KIF21A: variants seen among roughly 807,000 people sequenced by gnomAD.
KIF21A encodes kinesin family member 21A, also known as kinesin-like protein KIF21A.
Under a neutral mutation model 202.9 loss-of-function variants are expected in KIF21A, and 114 were observed. That is an observed-to-expected ratio of 0.56 (90% CI 0.48 to 0.66). The LOEUF is 0.66. Among genes scored for constraint, KIF21A ranks in the 30% least tolerant of loss-of-function variants. The pLI, the probability that KIF21A is intolerant of heterozygous loss-of-function variation, is 0.00. For missense variants in KIF21A, 1,677 were observed against 1,994.9 expected, an observed-to-expected ratio of 0.84 and a Z score of 3.04; for synonymous variants, 667 against 670.8, an observed-to-expected ratio of 0.99 and a Z score of 0.09.
At chr12:39,308,479 G>A (rs1943693963) in intron 33 of KIF21A, among the ~76,000 whole-genome samples, 2 of 151,994 alleles carry the variant, frequency 1.3e-5, no homozygotes. Context: ...CCACCCAAGG[G>A]CCAGGCTTAC....
At chr12:39,404,272 T>C (rs1952409823) in intron 1 of KIF21A, among the ~76,000 whole-genome samples, 1 of 152,128 alleles carries the variant, frequency 6.6e-6, no homozygotes, top group African/African-American at 2.4e-5. Flanking sequence ...GTCCAGGAGA[T>C]TCTTAGACAC....
At chr12:39,303,231 C>G in intron 35 of KIF21A, 96 bp from the exon 36 acceptor site, 1 of 984,856 alleles carries the variant, frequency 1.0e-6, no homozygotes, top group East Asian at 2.5e-5. Flanking sequence ...GTATGTTAAT[C>G]AGACATGACT....
At chr12:39,342,616 T>C (rs1023752501) in intron 12 of KIF21A, among the ~76,000 whole-genome samples, 5 of 152,218 alleles carry the variant, frequency 3.3e-5, no homozygotes, top group African/African-American at 1.2e-4. Flanking sequence ...TTGTCTACAC[T>C]AGCTATATCC....
rs546480576 is a variant in KIF21A at position 39,443,081 on chromosome 12, C to G, written c.-111G>C. On this transcript the variant is annotated 5_prime_UTR_variant, in exon 1 of 38. Coordinates refer to ENST00000361418, the MANE Select transcript of KIF21A (RefSeq NM_001173464.2). ...GGCTGGGGCGTCTGCGGGCGGGCGG[C>G]CGGCTCACCTCCGCCGCGCTCCAGC... The G allele has an allele frequency of 9.0e-7, 1 of 1,108,760 alleles. No homozygotes were observed. The highest frequency in any genetic ancestry group is 1.7e-5 in the African/African-American group (1 of 60,052). The allele number at this position is 1,108,760 out of a possible 1,614,324, so 68.7% of individuals were successfully genotyped here.
chr12:39,370,946 C>T (rs1351531566), intron 1 of KIF21A, among the ~76,000 whole-genome samples: 2 of 152,074 alleles, frequency 1.3e-5, no homozygotes, highest in South Asian at 2.1e-4. Context: ...TACCAAAATC[C>T]GCAGATGTTC....
At chr12:39,302,635 C>T (rs1943072448) in intron 36 of KIF21A, among the ~76,000 whole-genome samples, 1 of 152,142 alleles carries the variant, frequency 6.6e-6, no homozygotes, top group Non-Finnish European at 1.5e-5. Flanking sequence ...AATAGGTGTA[C>T]ATAAACAAAA....
intron 1 of KIF21A, among the ~76,000 whole-genome samples, chr12:39,432,236 G>A (rs1331597939): frequency 6.6e-6 from 1 of 152,162 alleles, no homozygotes; most frequent in Non-Finnish European, 1.5e-5. Context: ...CTAATACATT[G>A]TGTCTTTACA....
chr12:39,398,727 T>C (rs1207457939), intron 1 of KIF21A, among the ~76,000 whole-genome samples: 1 of 152,152 alleles, frequency 6.6e-6, no homozygotes, highest in Non-Finnish European at 1.5e-5. Flanking sequence ...TAGGTAACAC[T>C]TTACCATAGA....
chr12:39,442,857 C>T lies in KIF21A; in HGVS notation c.44+70G>A. Reference sequence around the variant, plus strand: ...CTCCACCCCGGTAGCCGGTGCTCCGCGCCACAGCCAGGTCCTTGCCGCGCC... The same window carrying T: ...CTCCACCCCGGTAGCCGGTGCTCCGTGCCACAGCCAGGTCCTTGCCGCGCC... On this transcript the variant is annotated intron_variant, in intron 1 of 37. Coordinates refer to ENST00000361418, the MANE Select transcript of KIF21A (RefSeq NM_001173464.2). This position sits in a 1 kb window ranked among gnomAD's most constrained non-coding sequence, Gnocchi z 5.0. 2 of 1,503,466 alleles carry T rather than the reference C, an allele frequency of 1.3e-6. No homozygotes were observed. The highest frequency in any genetic ancestry group is 1.8e-6 in the Non-Finnish European group (2 of 1,127,056). The allele number at this position is 1,503,466 out of a possible 1,614,324, so 93.1% of individuals were successfully genotyped here. A position where few individuals can be genotyped will look rare whatever the true frequency, so the allele number is the denominator to read the frequency against.
chr12:39,332,735 A>AT lies in KIF21A; in HGVS notation c.2711dup (p.Tyr904Ter). ...CTCGGCCAGTCAATCCTTTCCTCTG[A>AT]TATTTTTTCCTATAATCATATAAAA... ...TPATNGNRKK[Y>*]QRKGLTGRVF... Residue 904 changes from tyrosine (Y) to a stop codon, truncating the protein, a stop_gained and frameshift_variant, in exon 20 of 38, where the codon TAT becomes TAAT. Transcript: ENST00000361418. LOFTEE classifies it high-confidence loss of function. 1 of 1,614,016 alleles carries AT rather than the reference A, an allele frequency of 6.2e-7. No homozygotes were observed.
At chr12:39,433,612 A>C (rs749078032) in intron 1 of KIF21A, among the ~76,000 whole-genome samples, 11 of 152,218 alleles carry the variant, frequency 7.2e-5, no homozygotes, top group Non-Finnish European at 1.5e-4. Flanking sequence ...CATTAGGTTG[A>C]GCAACTAGTA....
In KIF21A at chr12:39,342,107, T is replaced by C. The variant is rs746545050; in HGVS notation, c.1730A>G (p.Asp577Gly). ...CTTCTCTTGGTCAGTGTCTGTATTA[T>C]CCTCTTTACCAGCCACACTAAAAAA... The part of the protein sequence containing the change: ...REERSVAGKE[D>G]NTDTDQEKKE... The change falls in exon 13 of 38, where the codon GAT becomes GGT. Residue 577 changes from aspartate (D) to glycine (G), a missense_variant. Transcript: ENST00000361418. 5.0e-6 allele frequency: 8 copies of C among 1,609,928 alleles called. No homozygotes were observed. The highest frequency in any genetic ancestry group is 6.8e-6 in the Non-Finnish European group (8 of 1,176,670).
chr12:39,299,208 T>C (rs1282746006), intron 37 of KIF21A, among the ~76,000 whole-genome samples: 1 of 152,002 alleles, frequency 6.6e-6, no homozygotes, highest in African/African-American at 2.4e-5. Flanking sequence ...TTGCAAACTA[T>C]GAATCTGACA....
intron 16 of KIF21A, among the ~76,000 whole-genome samples, chr12:39,339,415 C>A (rs1947261452): frequency 6.6e-6 from 1 of 151,976 alleles, no homozygotes; most frequent in African/African-American, 2.4e-5. Context: ...CAGGCTATAC[C>A]ACATAGCCTA....
chr12:39,372,697 G>A (rs905148926), intron 1 of KIF21A, among the ~76,000 whole-genome samples: 1 of 152,206 alleles, frequency 6.6e-6, no homozygotes, highest in African/African-American at 2.4e-5. Context: ...GCCCGTGGTA[G>A]TAGCAGGTTT....
At chr12:39,337,387 C>T (rs1177320320) in intron 16 of KIF21A, 184 bp from the exon 17 acceptor site, 3 of 577,176 alleles carry the variant, frequency 5.2e-6, no homozygotes, top group Non-Finnish European at 9.2e-6. Flanking sequence ...ATTTCTAATA[C>T]ATTTTTATTA....
At position 39,294,667 on chromosome 12, in the gene KIF21A, C is replaced by T. The variant is rs367582981; in HGVS notation, c.4932-150G>A. 2.3e-5 allele frequency: 15 copies of T among 652,502 alleles called. No individual in the cohort carries two copies. In the African/African-American group the frequency reaches 2.4e-4, roughly 10 times the overall value. 40.4% of individuals were successfully genotyped at this position (652,502 alleles called of 1,614,324 possible). ...TGCATTGTCTCATTTATATAGCAAA[C>T]ACATACCTTAATAATAACAGCTTAT... On this transcript the variant is annotated intron_variant, in intron 37 of 37. Coordinates refer to ENST00000361418, the MANE Select transcript of KIF21A (RefSeq NM_001173464.2).
At chr12:39,428,268 A>ACTCAAAAGGTATTTGT (rs2140315671) in intron 1 of KIF21A, among the ~76,000 whole-genome samples, 1 of 152,338 alleles carries the variant, frequency 6.6e-6, no homozygotes, top group South Asian at 2.1e-4. Flanking sequence ...TTTGTGAAGG[A>ACTCAAAAGGTATTTGT]CTCAAAAGGT....
intron 33 of KIF21A, 88 bp downstream of exon 33, chr12:39,309,498 T>C (rs991026747): frequency 2.1e-6 from 2 of 948,938 alleles, no homozygotes; most frequent in Non-Finnish European, 3.2e-6. Context: ...AAAATGCATT[T>C]ATAGTCCTCT....
Sources: allele counts gnomAD v4.1 joint callset (sites outside exome capture counted in the v4.1 genomes callset), GRCh38; gene constraint gnomAD v4.1.1; non-coding constraint Gnocchi (gnomAD v3.1); transcripts MANE v1.5; gene names NCBI Gene and HGNC (gene_info 2026-07-23, HGNC 2026-07-21).